The following GRIN3A variants were observed in gnomAD, a reference collection of about 807,000 sequenced individuals.
The protein encoded by GRIN3A is glutamate ionotropic receptor NMDA type subunit 3A.
A neutral mutation model predicts 92.4 loss-of-function variants in GRIN3A; 47 were observed. The ratio of observed to expected loss-of-function variants is 0.51; its 90% CI spans 0.40 to 0.65. The LOEUF (loss-of-function observed/expected upper bound fraction) is 0.65. GRIN3A is among the 30% of genes least tolerant of loss of function. The pLI is 0.00. For synonymous variants in GRIN3A, 527 were observed against 540.6 expected (o/e 0.97, Z 0.35); for missense variants, 1,324 against 1,393.1 (o/e 0.95, Z 0.79).
chr9:101,721,394 G>A (rs115343176), intron 1 of GRIN3A, among the ~76,000 whole-genome samples: 2,846 of 152,266 alleles, frequency 0.019, 99 homozygotes, highest in African/African-American at 0.065. Flanking sequence ...TCTGGGGCAT[G>A]TCCTAATCAG....
At chr9:101,633,758 A>T (rs1828743458) in intron 3 of GRIN3A, among the ~76,000 whole-genome samples, 1 of 152,058 alleles carries the variant, frequency 6.6e-6, no homozygotes, top group African/African-American at 2.4e-5. Context: ...CAACCCATCC[A>T]TGAAAAAATT....
Position 101,737,323 on chromosome 9 carries a change from T to G in GRIN3A, c.657A>C (p.Pro219=). The part of the protein sequence containing the change: ...LDLVSLVLHI[P]VISIVRHEFP... ...ACTCGTGGCGCACGATGCTGATCACTGGAATGTGCAGGACTAAGCTGACCA... is the reference window on the plus strand; with the variant it reads ...ACTCGTGGCGCACGATGCTGATCACGGGAATGTGCAGGACTAAGCTGACCA... Residue 219 remains proline (P), a synonymous_variant, in exon 1 of 9, where the codon CCA becomes CCC. Coordinates refer to ENST00000361820, the MANE Select transcript of GRIN3A (RefSeq NM_133445.3). 6.2e-7 allele frequency: 1 copy of G among 1,614,168 alleles called. No individual in the cohort carries two copies. The highest frequency in any genetic ancestry group is 1.1e-5 in the South Asian group (1 of 91,078).
intron 6 of GRIN3A, among the ~76,000 whole-genome samples, chr9:101,612,606 T>C (rs919796485): frequency 3.9e-5 from 6 of 152,180 alleles, no homozygotes; most frequent in South Asian, 2.1e-4. Flanking sequence ...TTGTTTTTTT[T>C]TTAAATTGTC....
chr9:101,698,755 G>T (rs6479061), intron 1 of GRIN3A, among the ~76,000 whole-genome samples: 4 of 151,858 alleles, frequency 2.6e-5, no homozygotes, highest in Non-Finnish European at 5.9e-5. Context: ...TATAACCTCC[G>T]GCTCCTGGGT....
intron 4 of GRIN3A, among the ~76,000 whole-genome samples, chr9:101,624,471 G>A (rs1436027518): frequency 2.0e-5 from 3 of 148,892 alleles, no homozygotes; most frequent in Non-Finnish European, 4.4e-5. Context: ...GAGAAGATGT[G>A]GTGTTTGGTT....
intron 6 of GRIN3A, among the ~76,000 whole-genome samples, chr9:101,582,382 C>G (rs767871678): frequency 6.6e-6 from 1 of 152,076 alleles, no homozygotes; most frequent in African/African-American, 2.4e-5. Context: ...AGCAGGGGCT[C>G]GGAGACTGGC....
At chr9:101,599,829 A>C (rs1264686058) in intron 6 of GRIN3A, among the ~76,000 whole-genome samples, 1 of 152,176 alleles carries the variant, frequency 6.6e-6, no homozygotes, top group Non-Finnish European at 1.5e-5. Flanking sequence ...GAAGCTATAC[A>C]GGTGGTCCTT....
intron 2 of GRIN3A, among the ~76,000 whole-genome samples, chr9:101,684,783 A>G (rs957912868): frequency 2.6e-5 from 4 of 152,230 alleles, no homozygotes; most frequent in Non-Finnish European, 5.9e-5. Context: ...TCTCCTTTTT[A>G]CATGAGACAA....
chr9:101,662,733 G>A (rs980835199), intron 3 of GRIN3A, among the ~76,000 whole-genome samples: 12 of 151,694 alleles, frequency 7.9e-5, no homozygotes, highest in Admixed American at 1.3e-4. Flanking sequence ...TAAGTATTCA[G>A]TCTCCCAACT....
intron 5 of GRIN3A, among the ~76,000 whole-genome samples, chr9:101,619,194 G>T (rs986646335): frequency 2.0e-5 from 3 of 152,158 alleles, no homozygotes; most frequent in African/African-American, 7.2e-5. Context: ...CTCAGATAGG[G>T]TTAAAAAGGC....
intron 3 of GRIN3A, among the ~76,000 whole-genome samples, chr9:101,659,822 A>C (rs10115431): frequency 0.34 from 51,255 of 151,726 alleles, 9,516 homozygotes; most frequent in Non-Finnish European, 0.42. Flanking sequence ...TACTGTATCT[A>C]TTTGAAAGTA....
intron 2 of GRIN3A, among the ~76,000 whole-genome samples, chr9:101,677,093 C>T (rs1445659991): frequency 6.6e-6 from 1 of 151,306 alleles, no homozygotes; most frequent in Non-Finnish European, 1.5e-5. Context: ...TCTTTTAGAA[C>T]TCTTACAGCC....
chr9:101,728,034 T>C (rs1484076549), intron 1 of GRIN3A, among the ~76,000 whole-genome samples: 3 of 151,030 alleles, frequency 2.0e-5, no homozygotes, highest in African/African-American at 7.3e-5. Context: ...TTTGCTCCCA[T>C]TATTACATTT....
rs148314865 is a variant in GRIN3A at position 101,708,656 on chromosome 9, A to G, written c.700-21456T>C. ...TTTTGGCTAAGAGATCCAGAATTAA[A>G]TTTATCATCTTTGTTCAAAGCATAA... On this transcript the variant is annotated intron_variant, in intron 1 of 8. Coordinates refer to ENST00000361820, the MANE Select transcript of GRIN3A (RefSeq NM_133445.3). Among the ~76,000 whole-genome samples, 883 of 152,310 alleles carry G rather than the reference A, an allele frequency of 5.8e-3. 12 individuals are homozygous for G. The highest frequency in any genetic ancestry group is 0.02 in the African/African-American group (821 of 41,574).
chr9:101,690,557 T>C (rs897299925), intron 1 of GRIN3A, among the ~76,000 whole-genome samples: 1 of 152,146 alleles, frequency 6.6e-6, no homozygotes, highest in East Asian at 1.9e-4. Flanking sequence ...GTTCAAAGCA[T>C]CAAAGAATCA....
At chr9:101,628,843 C>T (rs953350783) in intron 3 of GRIN3A, among the ~76,000 whole-genome samples, 2 of 150,436 alleles carry the variant, frequency 1.3e-5, no homozygotes, top group Non-Finnish European at 2.9e-5. Context: ...GCTGTGACTA[C>T]ATCACTTTTG....
chr9:101,612,171 T>C (rs1251074832), intron 6 of GRIN3A, among the ~76,000 whole-genome samples: 3 of 152,170 alleles, frequency 2.0e-5, no homozygotes, highest in Non-Finnish European at 4.4e-5. Context: ...GAGACTTTTA[T>C]AGTGGTCCAG....
In GRIN3A at chr9:101,700,003, G is replaced by A. The variant is rs151326113; in HGVS notation, c.700-12803C>T. On this transcript the variant is annotated intron_variant, in intron 1 of 8. Transcript: ENST00000361820. The stretch of plus-strand genomic sequence containing the variant: ...TTATGCGGTTAAACATCCCTTTCCT[G>A]CCTCATTCTCAAGGTGTATTACCTG... Among the ~76,000 whole-genome samples, 229 of 152,126 alleles carry A rather than the reference G, an allele frequency of 1.5e-3. 4 individuals carry two copies. Among genetic ancestry groups the A allele is most frequent in the African/African-American group, 5.4e-3 (223 of 41,486 alleles).
chr9:101,682,901 G>C (rs891983969), intron 2 of GRIN3A, among the ~76,000 whole-genome samples: 1 of 152,242 alleles, frequency 6.6e-6, no homozygotes, highest in African/African-American at 2.4e-5. Context: ...AGAATGGCGT[G>C]AACCAGGGAG....
Sources: gnomAD v4.1 joint callset for allele counts (sites outside exome capture counted in the v4.1 genomes callset) on GRCh38, gnomAD v4.1.1 for gene constraint, MANE v1.5 for transcripts, NCBI Gene and HGNC (gene_info 2026-07-23, HGNC 2026-07-21) for gene names.